GRM5: variants seen among roughly 807,000 people sequenced by gnomAD.
The protein encoded by GRM5 is glutamate metabotropic receptor 5, also known as metabotropic glutamate receptor 5.
GRM5 carries 19 observed loss-of-function variants against 83.1 expected under a neutral mutation model. The ratio of observed to expected loss-of-function variants is 0.23; its 90% confidence interval spans 0.16 to 0.34. GRM5 has a LOEUF of 0.34. Among genes scored for constraint, GRM5 ranks in the 10% least tolerant of loss-of-function variants. The probability of loss-of-function intolerance (pLI) is 1.00; values close to 1 mark genes in which losing one functional copy is unlikely to be tolerated. For missense variants in GRM5, 1,160 were observed against 1,588.3 expected (o/e 0.73, Z 4.58); for synonymous variants, 675 against 633.6 (o/e 1.07, Z -0.98).
chr11:88,664,716 G>A (rs1362341053), intron 3 of GRM5, among the ~76,000 whole-genome samples: 1 of 151,808 alleles, frequency 6.6e-6, no homozygotes, highest in Admixed American at 6.6e-5. Flanking sequence ...CAAAGTGCTG[G>A]GATTACAGGT....
intron 1 of GRM5, among the ~76,000 whole-genome samples, chr11:89,049,718 C>G (rs1941716763): frequency 6.6e-6 from 1 of 152,040 alleles, no homozygotes; most frequent in Non-Finnish European, 1.5e-5. Context: ...CATCAAATAA[C>G]CAGATGTTCC....
chr11:88,611,332 T>G (rs1035650651), intron 4 of GRM5, among the ~76,000 whole-genome samples: 11 of 152,160 alleles, frequency 7.2e-5, no homozygotes, highest in Admixed American at 5.9e-4. Flanking sequence ...TTGGCTTTGA[T>G]TCTATTGGGC....
chr11:88,661,716 CTATTT>C (rs901539602), intron 3 of GRM5, among the ~76,000 whole-genome samples: 2 of 151,958 alleles, frequency 1.3e-5, no homozygotes, highest in South Asian at 2.1e-4. Context: ...TATTGAGACT[CTATTT>C]TATTTTATTT....
chr11:88,894,793 A>G (rs1283308803), intron 2 of GRM5, among the ~76,000 whole-genome samples: 1 of 151,944 alleles, frequency 6.6e-6, no homozygotes, highest in Non-Finnish European at 1.5e-5. Flanking sequence ...ATGAATTAGT[A>G]CCCTCATAAA....
intron 2 of GRM5, among the ~76,000 whole-genome samples, chr11:89,019,226 G>C (rs1940926542): frequency 6.6e-6 from 1 of 152,178 alleles, no homozygotes; most frequent in Non-Finnish European, 1.5e-5. Flanking sequence ...ATGTTTTGGG[G>C]AGGAAGATCA....
intron 8 of GRM5, among the ~76,000 whole-genome samples, chr11:88,554,943 CA>C (rs1942591832): frequency 6.6e-6 from 1 of 152,074 alleles, no homozygotes; most frequent in South Asian, 2.1e-4. Context: ...ATCTGCAAAA[CA>C]AAAGTTTGAA....
At chr11:89,039,781 G>A (rs1465826943) in intron 2 of GRM5, among the ~76,000 whole-genome samples, 2 of 151,890 alleles carry the variant, frequency 1.3e-5, no homozygotes, top group Non-Finnish European at 2.9e-5. Context: ...ATAACCATTT[G>A]GGCTACTCTC....
intron 3 of GRM5, among the ~76,000 whole-genome samples, chr11:88,714,390 G>A (rs1565197872): frequency 6.6e-6 from 1 of 151,970 alleles, no homozygotes. Flanking sequence ...CAGGCCAGCT[G>A]CAAAATGTGA....
At chr11:88,893,200 C>A (rs554998739) in intron 2 of GRM5, among the ~76,000 whole-genome samples, 2 of 151,300 alleles carry the variant, frequency 1.3e-5, no homozygotes, top group Non-Finnish European at 2.9e-5. Context: ...ACTGAATCTG[C>A]TAGAACTTCT....
At chr11:88,976,859 C>CA (rs57784199) in intron 2 of GRM5, among the ~76,000 whole-genome samples, 66,783 of 148,912 alleles carry the variant, frequency 0.45, 15,919 homozygotes, top group South Asian at 0.63. Flanking sequence ...TCTATAAATA[C>CA]AAAAAAAAAA....
intron 2 of GRM5, among the ~76,000 whole-genome samples, chr11:89,008,131 C>A (rs540949426): frequency 6.6e-6 from 1 of 151,904 alleles, no homozygotes; most frequent in Non-Finnish European, 1.5e-5. Context: ...TGTGAAAAAA[C>A]AGTATGGCAT....
chr11:88,646,991 A>T (rs941930298), intron 4 of GRM5, among the ~76,000 whole-genome samples: 2 of 151,862 alleles, frequency 1.3e-5, no homozygotes, highest in African/African-American at 2.4e-5. Context: ...GGTGTCAGCA[A>T]TGTCATACTC....
chr11:88,722,910 G>A (rs1211463383), intron 3 of GRM5, among the ~76,000 whole-genome samples: 1 of 151,900 alleles, frequency 6.6e-6, no homozygotes, highest in African/African-American at 2.4e-5. Context: ...ACTCTGTGTT[G>A]TACATGCTAT....
intron 4 of GRM5, among the ~76,000 whole-genome samples, chr11:88,647,098 C>T (rs1565169873): frequency 6.6e-6 from 1 of 152,036 alleles, no homozygotes; most frequent in Non-Finnish European, 1.5e-5. Context: ...CAATCACTGC[C>T]TGTGTCATCC....
chr11:89,011,091 A>C (rs1413486571), intron 2 of GRM5, among the ~76,000 whole-genome samples: 3 of 152,228 alleles, frequency 2.0e-5, no homozygotes, highest in East Asian at 1.9e-4. Context: ...AAACTCAATG[A>C]GTTAGAATCT....
chr11:88,728,132 C>A (rs116190469), intron 3 of GRM5, among the ~76,000 whole-genome samples: 7,401 of 151,830 alleles, frequency 0.049, 167 homozygotes, highest in Middle Eastern at 0.078. Flanking sequence ...ACTACCCAGA[C>A]TAATAAAAAA....
chr11:88,884,272 T>C (rs1023749974), intron 2 of GRM5, among the ~76,000 whole-genome samples: 4 of 152,138 alleles, frequency 2.6e-5, no homozygotes, highest in Non-Finnish European at 5.9e-5. Flanking sequence ...TCAAGGGAGA[T>C]CATTTTCGAA....
chr11:88,856,282 T>C (rs141376427), intron 2 of GRM5, among the ~76,000 whole-genome samples: 3,875 of 152,238 alleles, frequency 0.025, 174 homozygotes, highest in African/African-American at 0.089. Context: ...CTTTTTACTA[T>C]TTAATGTTGT....
In GRM5 at chr11:88,567,712, C is replaced by G; in HGVS notation, c.1971G>C (p.Met657Ile). The change falls in exon 8 of 10, where the codon ATG (methionine) becomes ATC (isoleucine). Residue 657 changes from methionine (M) to isoleucine (I), a missense_variant. Physicochemically the swap from Met to Ile is conservative, Grantham distance 10. Around this residue, in one of 9 missense-constraint regions of GRM5, gnomAD observed 132 missense variants for 245.5 expected, o/e 0.54. Transcript: ENST00000305447. The surrounding 1 kb of genome is among the most constrained non-coding windows in gnomAD (Gnocchi z 7.3). ...TCTTTGTTACAAGGGCTGAGTAGCTCATGGCTGGGGAGAGACCAATGCCAA... is the reference window on the plus strand; with the variant it reads ...TCTTTGTTACAAGGGCTGAGTAGCTGATGGCTGGGGAGAGACCAATGCCAA... ...QRIGIGLSPA[M>I]SYSALVTKTN... The G allele has an allele frequency of 6.2e-7, 1 of 1,614,072 alleles. No individual in the cohort carries two copies. The highest frequency in any genetic ancestry group is 8.5e-7 in the Non-Finnish European group (1 of 1,179,988).
Sources: gnomAD v4.1 joint callset for allele counts (sites outside exome capture counted in the v4.1 genomes callset) on GRCh38, gnomAD v4.1.1 for gene constraint, gnomAD v4.1.1 regional missense constraint, Gnocchi (gnomAD v3.1) non-coding constraint, MANE v1.5 for transcripts, NCBI Gene and HGNC (gene_info 2026-07-23, HGNC 2026-07-21) for gene names.